EPM2A: variants seen among roughly 807,000 people sequenced by gnomAD.
The protein encoded by EPM2A is laforin.
EPM2A carries 21 observed loss-of-function variants against 26.5 expected under a neutral mutation model. That is an observed-to-expected ratio of 0.79 (90% confidence interval 0.56 to 1.14). The LOEUF is 1.14. Ranked by LOEUF, EPM2A falls within the 50% of genes most tolerant of loss-of-function variation. The pLI, the probability that EPM2A is intolerant of heterozygous loss-of-function variation, is 0.00. For missense variants in EPM2A, 458 were observed against 440.8 expected (o/e 1.04, Z -0.35); for synonymous variants, 217 against 177.6 (o/e 1.22, Z -1.76).
At chr6:145,422,719 T>C (rs1194839161) in intron 4 of EPM2A, among the ~76,000 whole-genome samples, 2 of 152,120 alleles carry the variant, frequency 1.3e-5, no homozygotes, top group Non-Finnish European at 2.9e-5. Context: ...CTCAGTTTTA[T>C]TGGCAGTACA....
intron 4 of EPM2A, among the ~76,000 whole-genome samples, chr6:145,429,343 C>T (rs977440625): frequency 2.0e-5 from 3 of 151,992 alleles, no homozygotes; most frequent in East Asian, 1.9e-4. Context: ...TATCTAATTC[C>T]TGTTTTCTTC....
chr6:145,661,934 A>C (rs911241109), intron 2 of EPM2A, among the ~76,000 whole-genome samples: 2 of 152,246 alleles, frequency 1.3e-5, no homozygotes, highest in Admixed American at 6.5e-5. Context: ...AGTAAAAAAA[A>C]CTCATCATTA....
At chr6:145,529,569 A>C (rs1022834354) in intron 2 of EPM2A, among the ~76,000 whole-genome samples, 2 of 152,200 alleles carry the variant, frequency 1.3e-5, no homozygotes, top group African/African-American at 4.8e-5. Context: ...ATGCTATTAC[A>C]CATTAATAGA....
At chr6:145,555,697 T>G (rs946740351) in intron 2 of EPM2A, among the ~76,000 whole-genome samples, 2 of 152,134 alleles carry the variant, frequency 1.3e-5, no homozygotes, top group African/African-American at 2.4e-5. Context: ...GTGCTTGCAT[T>G]TTTCTATTTA....
chr6:145,393,910 G>T (rs1374463335), intron 4 of EPM2A, among the ~76,000 whole-genome samples: 1 of 150,876 alleles, frequency 6.6e-6, no homozygotes, highest in Non-Finnish European at 1.5e-5. Flanking sequence ...TGCAACCTCT[G>T]CCTCCCCAGT....
At chr6:145,461,427 T>A (rs556169968) in intron 4 of EPM2A, among the ~76,000 whole-genome samples, 21 of 152,262 alleles carry the variant, frequency 1.4e-4, no homozygotes, top group African/African-American at 4.6e-4. Flanking sequence ...CACAGAAAAG[T>A]TTTGAGTGAA....
chr6:145,712,488 G>C (rs1302530654), intron 1 of EPM2A, among the ~76,000 whole-genome samples: 1 of 152,070 alleles, frequency 6.6e-6, no homozygotes, highest in East Asian at 1.9e-4. Flanking sequence ...GACTTTACCA[G>C]TATGATCCTG....
At chr6:145,413,886 T>G (rs1582736412) in intron 4 of EPM2A, among the ~76,000 whole-genome samples, 1 of 152,152 alleles carries the variant, frequency 6.6e-6, no homozygotes, top group Non-Finnish European at 1.5e-5. Context: ...GAGTGGTAGG[T>G]TGCTTAGGCA....
At chr6:145,525,438 T>C (rs980630098) in intron 2 of EPM2A, among the ~76,000 whole-genome samples, 4 of 152,096 alleles carry the variant, frequency 2.6e-5, no homozygotes, top group African/African-American at 9.7e-5. Context: ...TCCATGAGCA[T>C]GGAATGTTTT....
chr6:145,495,673 G>A lies in EPM2A; in HGVS notation c.555+6849C>T, dbSNP rs557666400. The stretch of plus-strand genomic sequence containing the variant: ...GCTCACTGCAACCTCCACCTCCTGG[G>A]TTCAAGCAATTCTCATGCCTCAGCC... On this transcript the variant is annotated intron_variant, in intron 4 of 4. Transcript: ENST00000638717. 8.5e-5 allele frequency among the ~76,000 whole-genome samples: 13 copies of A among 152,272 alleles called. No individual in the cohort carries two copies. The South Asian group carries it at 2.1e-3, about 24-fold the overall frequency.
At chr6:145,691,026 G>A (rs1377953798) in intron 1 of EPM2A, among the ~76,000 whole-genome samples, 1 of 148,958 alleles carries the variant, frequency 6.7e-6, no homozygotes, top group Non-Finnish European at 1.5e-5. Context: ...ATTAACAGAA[G>A]ATCTAAATTT....
intron 4 of EPM2A, among the ~76,000 whole-genome samples, chr6:145,470,167 G>A (rs1779455795): frequency 6.6e-6 from 1 of 152,056 alleles, no homozygotes; most frequent in African/African-American, 2.4e-5. Context: ...TAAAATAAAA[G>A]AGCATATTGG....
intron 4 of EPM2A, among the ~76,000 whole-genome samples, chr6:145,467,587 T>C (rs1229876075): frequency 2.0e-5 from 3 of 152,174 alleles, no homozygotes; most frequent in Admixed American, 6.6e-5. Context: ...ATTACATTTT[T>C]CTCTTTAATT....
intron 2 of EPM2A, chr6:145,639,700 C>T (rs1178772649): frequency 6.6e-6 from 1 of 152,128 alleles, no homozygotes; most frequent in Non-Finnish European, 1.5e-5. Flanking sequence ...GTCAAGACTA[C>T]AAATAATTCC....
At chr6:145,648,730 T>A (rs1467204884) in intron 2 of EPM2A, among the ~76,000 whole-genome samples, 2 of 152,192 alleles carry the variant, frequency 1.3e-5, no homozygotes, top group African/African-American at 4.8e-5. Context: ...CTAATGTACA[T>A]TAAGGTTTAG....
At chr6:145,670,695 T>A (rs1031401666) in intron 2 of EPM2A, among the ~76,000 whole-genome samples, 2 of 152,124 alleles carry the variant, frequency 1.3e-5, no homozygotes, top group African/African-American at 4.8e-5. Context: ...TGAAAATAAA[T>A]CATCCTAATA....
At chr6:145,420,311 C>T (rs1243366769) in intron 4 of EPM2A, among the ~76,000 whole-genome samples, 1 of 152,108 alleles carries the variant, frequency 6.6e-6, no homozygotes, top group Non-Finnish European at 1.5e-5. Flanking sequence ...TACCCATATG[C>T]TTATGATATT....
At chr6:145,485,926 T>C (rs947696973) in intron 4 of EPM2A, among the ~76,000 whole-genome samples, 3 of 152,196 alleles carry the variant, frequency 2.0e-5, no homozygotes, top group Non-Finnish European at 4.4e-5. Context: ...TTCATTACCA[T>C]GAGAACAGTA....
intron 2 of EPM2A, among the ~76,000 whole-genome samples, chr6:145,569,325 G>A (rs956930391): frequency 1.3e-5 from 2 of 152,162 alleles, no homozygotes; most frequent in African/African-American, 2.4e-5. Flanking sequence ...AATTACTCAC[G>A]AGAGAGTACA....
Sources: allele counts gnomAD v4.1 joint callset (sites outside exome capture counted in the v4.1 genomes callset), GRCh38; gene constraint gnomAD v4.1.1; transcripts MANE v1.5; gene names NCBI Gene and HGNC (gene_info 2026-07-23, HGNC 2026-07-21).